The following PRKD1 variants were observed in gnomAD, a reference collection of about 807,000 sequenced individuals.
PRKD1 encodes the protein protein kinase D1.
Under a neutral mutation model 95.9 loss-of-function variants are expected in PRKD1, and 63 were observed. That is an observed-to-expected ratio of 0.66 (90% CI 0.54 to 0.81). The LOEUF is 0.81. PRKD1 is among the 30% of genes least tolerant of loss of function. The pLI, the probability that PRKD1 is intolerant of heterozygous loss-of-function variation, is 0.00. For missense variants in PRKD1, 1,048 were observed against 1,165.3 expected, an observed-to-expected ratio of 0.90 and a Z score of 1.47; for synonymous variants, 425 against 423.1, an observed-to-expected ratio of 1.00 and a Z score of -0.05.
intron 4 of PRKD1, among the ~76,000 whole-genome samples, chr14:29,643,970 A>G (rs941270355): frequency 6.6e-6 from 1 of 152,222 alleles, no homozygotes; most frequent in Non-Finnish European, 1.5e-5. Flanking sequence ...ACTTTAGCAT[A>G]CACGCCAACA....
At chr14:29,759,043 C>G (rs1236563859) in intron 1 of PRKD1, among the ~76,000 whole-genome samples, 3 of 152,124 alleles carry the variant, frequency 2.0e-5, no homozygotes, top group Non-Finnish European at 4.4e-5. Context: ...AAACAGTGTC[C>G]GTTACTCACA....
intron 1 of PRKD1, among the ~76,000 whole-genome samples, chr14:29,775,970 C>A (rs1162595633): frequency 6.6e-6 from 1 of 152,114 alleles, no homozygotes; most frequent in East Asian, 1.9e-4. Context: ...AATCAGGCAG[C>A]AACATTGGCT....
chr14:29,664,230 C>A (rs1325549323), intron 3 of PRKD1, among the ~76,000 whole-genome samples: 1 of 152,138 alleles, frequency 6.6e-6, no homozygotes, highest in Non-Finnish European at 1.5e-5. Context: ...CAGCACATCA[C>A]AAGTTTTAGA....
At chr14:29,748,532 A>G (rs902741320) in intron 1 of PRKD1, among the ~76,000 whole-genome samples, 10 of 152,200 alleles carry the variant, frequency 6.6e-5, no homozygotes, top group African/African-American at 2.4e-4. Flanking sequence ...TTTGATAGAT[A>G]TTAAGAACAT....
At chr14:29,923,429 G>C (rs1237854847) in intron 1 of PRKD1, among the ~76,000 whole-genome samples, 1 of 152,050 alleles carries the variant, frequency 6.6e-6, no homozygotes, top group Non-Finnish European at 1.5e-5. Flanking sequence ...ATTACTTTCG[G>C]CTTTCTCAAT....
intron 1 of PRKD1, among the ~76,000 whole-genome samples, chr14:29,798,953 G>A (rs903482789): frequency 1.3e-5 from 2 of 152,110 alleles, no homozygotes; most frequent in African/African-American, 4.8e-5. Flanking sequence ...TGCTGCAGGA[G>A]CGTAAAAGAG....
At chr14:29,729,834 C>A (rs1404380438) in intron 1 of PRKD1, among the ~76,000 whole-genome samples, 1 of 151,920 alleles carries the variant, frequency 6.6e-6, no homozygotes, top group African/African-American at 2.4e-5. Flanking sequence ...AAAGCTGTGT[C>A]TTTATTTTCT....
At chr14:29,646,947 G>A (rs887353086) in intron 4 of PRKD1, among the ~76,000 whole-genome samples, 2 of 152,136 alleles carry the variant, frequency 1.3e-5, no homozygotes, top group Admixed American at 1.3e-4. Context: ...TAGGGTGTTT[G>A]CTGAGTTTCA....
chr14:29,811,115 C>A (rs1357529758), intron 1 of PRKD1, among the ~76,000 whole-genome samples: 1 of 152,088 alleles, frequency 6.6e-6, no homozygotes, highest in East Asian at 1.9e-4. Flanking sequence ...TTGCAGGGCC[C>A]CTTGTTCATA....
Position 29,853,051 on chromosome 14 carries a change from C to T in PRKD1, c.264+74198G>A, listed in dbSNP as rs145406448. 9.6e-4 allele frequency among the ~76,000 whole-genome samples: 146 copies of T among 152,126 alleles called. 3 individuals are homozygous for T. The highest frequency in any genetic ancestry group is 3.4e-3 in the African/African-American group (141 of 41,510). ...TGTGAAAGGATGAAAAAAGATAGTT[C>T]ATATAAATCATAACCAAAAAAGAGC... On this transcript the variant is annotated intron_variant, in intron 1 of 17. Coordinates refer to ENST00000331968, the MANE Select transcript of PRKD1 (RefSeq NM_002742.3).
chr14:29,628,850 GAATT>G (rs1375043395), intron 11 of PRKD1, among the ~76,000 whole-genome samples, 187 bp downstream of exon 11: 1 of 147,426 alleles, frequency 6.8e-6, no homozygotes, highest in African/African-American at 2.6e-5. Context: ...CTACATTACA[GAATT>G]GATTATAGAA....
chr14:29,660,670 G>A (rs1034066233), intron 4 of PRKD1, among the ~76,000 whole-genome samples: 1 of 152,104 alleles, frequency 6.6e-6, no homozygotes, highest in African/African-American at 2.4e-5. Flanking sequence ...CTTGCCTGGT[G>A]TGGGTTCAAT....
intron 1 of PRKD1, among the ~76,000 whole-genome samples, chr14:29,742,020 C>G (rs1887001044): frequency 6.6e-6 from 1 of 152,080 alleles, no homozygotes; most frequent in Non-Finnish European, 1.5e-5. Context: ...GTTCCAAGGA[C>G]AAAAATCTCA....
Position 29,642,692 on chromosome 14 carries a change from T to A in PRKD1, c.697-3788A>T, listed in dbSNP as rs143557262. ...TTACTACATTTTCTTGGCTTACTTG[T>A]ATATTTAATTACAATGTGCACAGTA... On this transcript the variant is annotated intron_variant, in intron 4 of 17. Transcript: ENST00000331968. Among the ~76,000 whole-genome samples, 423 of 152,320 alleles carry A rather than the reference T, an allele frequency of 2.8e-3. 1 individual carries two copies. The highest frequency in any genetic ancestry group is 9.0e-3 in the African/African-American group (373 of 41,582).
rs893418163 is a variant in PRKD1 at position 29,656,434 on chromosome 14, C to G, written c.696+7265G>C. 3 of 1,502,760 alleles carry G rather than the reference C, an allele frequency of 2.0e-6. No individual in the cohort carries two copies. The Admixed American group carries it at 5.9e-5, about 30-fold the overall frequency. The allele number at this position is 1,502,760 out of a possible 1,614,324, so 93.1% of individuals were successfully genotyped here. ...GCGTAATATGCTGGTTTGAAAAAGACAGTGAAGCAAATTTCTAGCACCAGG... is the reference window on the plus strand; with the variant it reads ...GCGTAATATGCTGGTTTGAAAAAGAGAGTGAAGCAAATTTCTAGCACCAGG... On this transcript the variant is annotated intron_variant, in intron 4 of 17. Transcript: ENST00000331968.
chr14:29,754,305 G>A (rs750713990), intron 1 of PRKD1, among the ~76,000 whole-genome samples: 39 of 152,172 alleles, frequency 2.6e-4, no homozygotes, highest in Middle Eastern at 6.8e-3. Flanking sequence ...TGTTGTCCAC[G>A]CTGTCCTTTG....
intron 1 of PRKD1, among the ~76,000 whole-genome samples, chr14:29,920,752 A>G (rs1328407137): frequency 6.6e-6 from 1 of 152,216 alleles, no homozygotes; most frequent in African/African-American, 2.4e-5. Context: ...AGGTAGTGGG[A>G]ATATCTAAAA....
In PRKD1 at chr14:29,873,781, T is replaced by C. The variant is rs1469902191; in HGVS notation, c.264+53468A>G. On this transcript the variant is annotated intron_variant, in intron 1 of 17. Transcript: ENST00000331968. ...ATTAGAGATTATGTTCATATTAATA[T>C]TAATCTTATTTTTATAAAATACATA... Among the ~76,000 whole-genome samples the C allele has an allele frequency of 4.0e-5, 6 of 151,700 alleles. No homozygotes were observed. The East Asian group carries it at 1.2e-3, about 29-fold the overall frequency.
chr14:29,706,302 C>A (rs1885087160), intron 2 of PRKD1, among the ~76,000 whole-genome samples: 1 of 152,028 alleles, frequency 6.6e-6, no homozygotes, highest in African/African-American at 2.4e-5. Context: ...TTCCCCATTT[C>A]TTTTTAAGTC....
Sources: allele counts gnomAD v4.1 joint callset (sites outside exome capture counted in the v4.1 genomes callset), GRCh38; gene constraint gnomAD v4.1.1; transcripts MANE v1.5; gene names NCBI Gene and HGNC (gene_info 2026-07-23, HGNC 2026-07-21).